Variants in PIK3R3 observed in about 807,000 individuals in gnomAD.
PIK3R3 encodes phosphoinositide-3-kinase regulatory subunit 3.
PIK3R3 carries 64 observed loss-of-function variants against 62.9 expected under a neutral mutation model. The ratio of observed to expected loss-of-function variants is 1.02; its 90% CI spans 0.83 to 1.25. The LOEUF (loss-of-function observed/expected upper bound fraction) is 1.25, where lower values mean the gene tolerates loss of function less well. Ranked by LOEUF, PIK3R3 falls within the 50% of genes most tolerant of loss-of-function variation. PIK3R3 has a pLI of 0.00. For missense variants in PIK3R3, 614 were observed against 561.6 expected (o/e 1.09, Z -0.94); for synonymous variants, 165 against 189.0 (o/e 0.87, Z 1.04).
intron 1 of PIK3R3, among the ~76,000 whole-genome samples, chr1:46,130,445 T>C (rs576460703): frequency 6.6e-6 from 1 of 151,836 alleles, no homozygotes; most frequent in Non-Finnish European, 1.5e-5. Context: ...GTCACAATTA[T>C]AAAAGCAAAT....
chr1:46,132,752 C>T, upstream of PIK3R3: 1 of 1,284,536 alleles, frequency 7.8e-7, no homozygotes, highest in Non-Finnish European at 1.0e-6. Context: ...GCATCACCAC[C>T]GCCCCTTCCA....
intron 1 of PIK3R3, among the ~76,000 whole-genome samples, chr1:46,093,871 A>G (rs1195068183): frequency 6.6e-6 from 1 of 150,876 alleles, no homozygotes; most frequent in Admixed American, 6.6e-5. Context: ...AAAAAAAAAA[A>G]CATCCTAGGC....
intron 1 of PIK3R3, among the ~76,000 whole-genome samples, chr1:46,093,632 G>A (rs1265716923): frequency 6.6e-6 from 1 of 152,078 alleles, no homozygotes; most frequent in African/African-American, 2.4e-5. Flanking sequence ...GCTCATGCAT[G>A]TAATCCTAGC....
the PIK3R3 span, among the ~76,000 whole-genome samples, chr1:46,147,836 A>G: frequency 6.6e-6 from 1 of 152,096 alleles, no homozygotes; most frequent in Non-Finnish European, 1.5e-5. Context: ...CCTTCCAAAC[A>G]TCCATGTGGG....
intron 1 of PIK3R3, among the ~76,000 whole-genome samples, chr1:46,085,665 T>C (rs1650985505): frequency 6.6e-6 from 1 of 152,228 alleles, no homozygotes; most frequent in Admixed American, 6.5e-5. Context: ...AGCTTTTAAG[T>C]AGTTCAAAAG....
At chr1:46,093,421 T>G (rs535033663) in intron 1 of PIK3R3, among the ~76,000 whole-genome samples, 2 of 152,318 alleles carry the variant, frequency 1.3e-5, no homozygotes, top group Admixed American at 6.5e-5. Flanking sequence ...CTCTGTCAAC[T>G]TCTCACATTT....
chr1:46,055,735 T>C (rs1238010665), intron 7 of PIK3R3, 60 bp downstream of exon 7: 14 of 1,067,836 alleles, frequency 1.3e-5, no homozygotes, highest in Non-Finnish European at 1.9e-5. Flanking sequence ...CTAGTGTCTC[T>C]AGTGCTGGTA....
chr1:46,135,828 G>A (rs568628289), upstream of PIK3R3, among the ~76,000 whole-genome samples: 91 of 152,092 alleles, frequency 6.0e-4, no homozygotes, highest in Middle Eastern at 3.4e-3. Flanking sequence ...TCGGGAGTTT[G>A]AGACCAGCCT....
chr1:46,134,013 C>T (rs960788742), upstream of PIK3R3, among the ~76,000 whole-genome samples: 1 of 152,156 alleles, frequency 6.6e-6, no homozygotes, highest in Non-Finnish European at 1.5e-5. Flanking sequence ...ATTTCAGAAA[C>T]AGCTAATTAA....
chr1:46,102,420 T>A (rs1290789569), intron 1 of PIK3R3, among the ~76,000 whole-genome samples: 1 of 152,198 alleles, frequency 6.6e-6, no homozygotes, highest in Non-Finnish European at 1.5e-5. Flanking sequence ...TCCAACAACC[T>A]TATTTCATAT....
chr1:46,111,389 G>A (rs944698917), intron 1 of PIK3R3, among the ~76,000 whole-genome samples: 3 of 151,974 alleles, frequency 2.0e-5, no homozygotes, highest in African/African-American at 7.2e-5. Context: ...CCCCACCGCT[G>A]CCTTCTTACC....
the PIK3R3 span, among the ~76,000 whole-genome samples, chr1:46,144,423 C>T: frequency 6.6e-6 from 1 of 152,094 alleles, no homozygotes; most frequent in African/African-American, 2.4e-5. Flanking sequence ...AGCCATATAC[C>T]ATATGTCAAA....
At chr1:46,161,087 T>C in the PIK3R3 span, among the ~76,000 whole-genome samples, 433 of 152,154 alleles carry the variant, frequency 2.8e-3, no homozygotes, top group Non-Finnish European at 4.6e-3. Flanking sequence ...AAAGTAATGA[T>C]TCACTTATCA....
In PIK3R3 at chr1:46,119,826, G is replaced by C. The variant is rs988189459; in HGVS notation, c.106+12021C>G. Reference sequence around the variant, plus strand: ...AGGGTCTCGCTCTGTCACCCAGGCTGGAGTACAGTGGTATAATCACAGCTC... The same window carrying C: ...AGGGTCTCGCTCTGTCACCCAGGCTCGAGTACAGTGGTATAATCACAGCTC... On this transcript the variant is annotated intron_variant, in intron 1 of 9. Coordinates refer to ENST00000262741, the MANE Select transcript of PIK3R3 (RefSeq NM_003629.4). Among the ~76,000 whole-genome samples, 3 of 147,216 alleles carry C rather than the reference G, an allele frequency of 2.0e-5. No individual in the cohort carries two copies. In the East Asian group the frequency reaches 6.0e-4, roughly 29 times the overall value.
intron 3 of PIK3R3, among the ~76,000 whole-genome samples, chr1:46,071,759 A>AGAGAGAGAGAGAGAGAGAGAGAGCGC: frequency 1.0e-5 from 1 of 100,126 alleles, no homozygotes; most frequent in East Asian, 2.5e-4. Context: ...AGAGAGAGAG[A>AGAGAGAGAGAGAGAGAGAGAGAGCGC]GCGCGCGCCT....
At chr1:46,101,171 CAAAA>C (rs1171228788) in intron 1 of PIK3R3, among the ~76,000 whole-genome samples, 2 of 73,560 alleles carry the variant, frequency 2.7e-5, no homozygotes, top group Admixed American at 1.7e-4. Context: ...GACTCCGTCT[CAAAA>C]AAAAAAAAAA....
In PIK3R3 at chr1:46,132,097, A is replaced by T; in HGVS notation, c.-145T>A. ...TCCAACGGCCAGTACCAGTCCGGCCAAACTACCCGAACAGGGTCCTCCCCC... is the reference window on the plus strand; with the variant it reads ...TCCAACGGCCAGTACCAGTCCGGCCTAACTACCCGAACAGGGTCCTCCCCC... On this transcript the variant is annotated 5_prime_UTR_variant, in exon 1 of 10. Transcript: ENST00000262741. 7 of 1,427,776 alleles carry T rather than the reference A, an allele frequency of 4.9e-6. No individual in the cohort carries two copies. Among genetic ancestry groups the T allele is most frequent in the Non-Finnish European group, 6.4e-6 (7 of 1,095,096 alleles). The allele number at this position is 1,427,776 out of a possible 1,614,324, so 88.4% of individuals were successfully genotyped here.
At chr1:46,161,661 G>A in the PIK3R3 span, among the ~76,000 whole-genome samples, 1 of 152,002 alleles carries the variant, frequency 6.6e-6, no homozygotes, top group East Asian at 1.9e-4. Flanking sequence ...CTGGAGCCCA[G>A]GAGTTTGAGG....
In PIK3R3 at chr1:46,055,831, A is replaced by C; in HGVS notation, c.905T>G (p.Leu302Arg). 1 of 1,574,740 alleles carries C rather than the reference A, an allele frequency of 6.4e-7. No individual in the cohort carries two copies. Among genetic ancestry groups the C allele is most frequent in the Non-Finnish European group, 8.6e-7 (1 of 1,161,160 alleles). ...ATCTCGGATCTTTCGCAGCTGGATC[A>C]GGTCAGGTTTGATGCTATTCATTTT... ...DKKMNSIKPD[L>R]IQLRKIRDQH... Residue 302 changes from leucine to arginine, a missense_variant, in exon 7 of 10, where the codon CTG (leucine) becomes CGG (arginine). Leu to Arg is a moderately radical substitution (Grantham distance 102). Coordinates refer to ENST00000262741, the MANE Select transcript of PIK3R3 (RefSeq NM_003629.4).
Sources: gnomAD v4.1 joint callset for allele counts (sites outside exome capture counted in the v4.1 genomes callset) on GRCh38, gnomAD v4.1.1 for gene constraint, MANE v1.5 for transcripts, NCBI Gene and HGNC (gene_info 2026-07-23, HGNC 2026-07-21) for gene names.